The following CD79A variants were observed in gnomAD, a reference collection of about 807,000 sequenced individuals.
The protein encoded by CD79A is B-cell antigen receptor complex-associated protein alpha chain.
In CD79A, 16 loss-of-function variants were observed where a neutral mutation model predicts 27.4. The observed-to-expected ratio is 0.58, with a 90% CI of 0.40 to 0.89. The LOEUF (loss-of-function observed/expected upper bound fraction) is 0.89. Among genes scored for constraint, CD79A ranks in the 40% least tolerant of loss-of-function variants. The pLI is 0.00. For missense variants in CD79A, 237 were observed against 299.7 expected (o/e 0.79, Z 1.55); for synonymous variants, 110 against 132.7 (o/e 0.83, Z 1.18).
chr19:41,880,969 G>T lies in CD79A; in HGVS notation c.670G>T (p.Glu224Ter). ...CCTCAACATAGGAGATGTCCAGCTGGAGAAGCCGTGACACCCCTACTCCTG... is the reference window on the plus strand; with the variant it reads ...CCTCAACATAGGAGATGTCCAGCTGTAGAAGCCGTGACACCCCTACTCCTG... Reference protein sequence around the residue: ...GSLNIGDVQLEKP With the variant: ...GSLNIGDVQL Residue 224 changes from glutamate (E) to a stop codon, truncating the protein, a stop_gained, in exon 5 of 5, where the codon GAG (glutamate) becomes TAG (stop). Transcript: ENST00000221972. LOFTEE classifies it high-confidence loss of function. 1 of 1,566,288 alleles carries T rather than the reference G, an allele frequency of 6.4e-7. No individual in the cohort carries two copies. Among genetic ancestry groups the T allele is most frequent in the Non-Finnish European group, 8.6e-7 (1 of 1,156,278 alleles).
chr19:41,878,974 C>A lies in CD79A; in HGVS notation c.80-16C>A. 1 of 1,521,868 alleles carries A rather than the reference C, an allele frequency of 6.6e-7. No individual in the cohort carries two copies. The highest frequency in any genetic ancestry group is 9.1e-7 in the Non-Finnish European group (1 of 1,102,076). 94.3% of individuals were successfully genotyped at this position (1,521,868 alleles called of 1,614,324 possible). A position where few individuals can be genotyped will look rare whatever the true frequency, so the allele number is the denominator to read the frequency against. ...CCATCCCCAGTCCCTGACCCACCCACCCTGTCTCTCCACAGGCCCTGGGTG... is the reference window on the plus strand; with the variant it reads ...CCATCCCCAGTCCCTGACCCACCCAACCTGTCTCTCCACAGGCCCTGGGTG... On this transcript the variant is annotated splice_polypyrimidine_tract_variant and intron_variant, in intron 1 of 4. Coordinates refer to ENST00000221972, the MANE Select transcript of CD79A (RefSeq NM_001783.4). This position sits in a 1 kb window ranked among gnomAD's most constrained non-coding sequence, Gnocchi z 4.3.
rs1355870615 is a variant in CD79A, at chr19:41,878,819, C to A, written c.80-171C>A. 2.0e-5 allele frequency among the ~76,000 whole-genome samples: 3 copies of A among 152,082 alleles called. No homozygotes were observed. The highest frequency in any genetic ancestry group is 7.2e-5 in the African/African-American group (3 of 41,400). ...TCCCAGGGGCTTCTTCACTTTCCCG[C>A]ATCCCCCCTCTCCCCAGGATGTATC... is the stretch of plus-strand genomic sequence containing the variant. On this transcript the variant is annotated intron_variant, in intron 1 of 4. Coordinates refer to ENST00000221972, the MANE Select transcript of CD79A (RefSeq NM_001783.4). This position sits in a 1 kb window ranked among gnomAD's most constrained non-coding sequence, Gnocchi z 4.3.
chr19:41,880,826 G>C (rs782310133), intron 4 of CD79A, 41 bp from the exon 5 acceptor site: 1 of 1,527,206 alleles, frequency 6.5e-7, no homozygotes, highest in East Asian at 2.3e-5. Flanking sequence ...GGGACCCCAG[G>C]TGTCAGGGTG....
Position 41,877,505 on chromosome 19 carries a change from C to A in CD79A, c.79+122C>A. 2 of 814,830 alleles carry A rather than the reference C, an allele frequency of 2.5e-6. No individual in the cohort carries two copies. Among genetic ancestry groups the A allele is most frequent in the Non-Finnish European group, 2.1e-6 (1 of 480,110 alleles). The allele number at this position is 814,830 out of a possible 1,614,324, so 50.5% of individuals were successfully genotyped here. Reference sequence around the variant, plus strand: ...GAAGAGGAGGCAGAGGATAGGGGACCCAGGGAAGATGCCTATAGAAATCGT... The same window carrying A: ...GAAGAGGAGGCAGAGGATAGGGGACACAGGGAAGATGCCTATAGAAATCGT... On this transcript the variant is annotated intron_variant, in intron 1 of 4. Coordinates refer to ENST00000221972, the MANE Select transcript of CD79A (RefSeq NM_001783.4). This position sits in a 1 kb window ranked among gnomAD's most constrained non-coding sequence, Gnocchi z 4.1.
chr19:41,879,403 C>A lies in CD79A; in HGVS notation c.379+114C>A. 1.6e-6 allele frequency: 2 copies of A among 1,260,410 alleles called. No homozygotes were observed. The highest frequency in any genetic ancestry group is 2.2e-6 in the Non-Finnish European group (2 of 892,764). The allele number at this position is 1,260,410 out of a possible 1,614,324, so 78.1% of individuals were successfully genotyped here. A position where few individuals can be genotyped will look rare whatever the true frequency, so the allele number is the denominator to read the frequency against. The stretch of plus-strand genomic sequence containing the variant: ...AATGTGGGTTTCAAACCGGCTTGGA[C>A]AGAGGGACGGACATTCTCCTCTGCA... On this transcript the variant is annotated intron_variant, in intron 2 of 4. Coordinates refer to ENST00000221972, the MANE Select transcript of CD79A (RefSeq NM_001783.4). This position sits in a 1 kb window ranked among gnomAD's most constrained non-coding sequence, Gnocchi z 5.1.
chr19:41,878,963 TGA>T lies in CD79A; in HGVS notation c.80-26_80-25del. 3.1e-6 allele frequency: 2 copies of T among 644,684 alleles called. No homozygotes were observed. The highest frequency in any genetic ancestry group is 5.8e-6 in the Non-Finnish European group (2 of 344,132). 39.9% of individuals were successfully genotyped at this position (644,684 alleles called of 1,614,324 possible). ...GAAATGTGTCACCATCCCCAGTCCC[TGA>T]CCCACCCACCCTGTCTCTCCACAGG... On this transcript the variant is annotated intron_variant, in intron 1 of 4. Coordinates refer to ENST00000221972, the MANE Select transcript of CD79A (RefSeq NM_001783.4). This position sits in a 1 kb window ranked among gnomAD's most constrained non-coding sequence, Gnocchi z 4.3.
chr19:41,879,582 C>T lies in CD79A; in HGVS notation c.427C>T (p.Arg143Ter). Residue 143 changes from arginine (R) to a stop codon, truncating the protein, a stop_gained, in exon 3 of 5, where the codon CGA (arginine) becomes TGA (stop). Coordinates refer to ENST00000221972, the MANE Select transcript of CD79A (RefSeq NM_001783.4). LOFTEE classifies it high-confidence loss of function. The surrounding 1 kb of genome is among the most constrained non-coding windows in gnomAD (Gnocchi z 5.1). ...GGACATGGGGGAGGGCACCAAGAACCGAATCATCACAGCCGAGGGGATCAT... is the reference window on the plus strand; with the variant it reads ...GGACATGGGGGAGGGCACCAAGAACTGAATCATCACAGCCGAGGGGATCAT... ...FLDMGEGTKN[R>*]IITAEGIILL... is the part of the protein sequence containing the mutation. 3 of 1,611,992 alleles carry T rather than the reference C, an allele frequency of 1.9e-6. No individual in the cohort carries two copies. Among genetic ancestry groups the T allele is most frequent in the East Asian group, 2.2e-5 (1 of 44,822 alleles).
rs782026458 is a variant in CD79A, at chr19:41,879,151, T to C, written c.241T>C (p.Leu81=). ...CAACTACACGTGGCCCCCTGAGTTC[T>C]TGGGCCCGGGCGAGGACCCCAATGG... ...HGNYTWPPEF[L]GPGEDPNGTL... Residue 81 remains leucine (L), a synonymous_variant, in exon 2 of 5, where the codon TTG becomes CTG. Coordinates refer to ENST00000221972, the MANE Select transcript of CD79A (RefSeq NM_001783.4). The surrounding 1 kb of genome is among the most constrained non-coding windows in gnomAD (Gnocchi z 5.1). 1.9e-6 allele frequency: 3 copies of C among 1,613,992 alleles called. No homozygotes were observed. Among genetic ancestry groups the C allele is most frequent in the African/African-American group, 2.7e-5 (2 of 74,914 alleles).
At position 41,878,749 on chromosome 19, in the gene CD79A, C is replaced by T. The variant is rs1224647701; in HGVS notation, c.80-241C>T. 6.6e-6 allele frequency among the ~76,000 whole-genome samples: 1 copy of T among 152,058 alleles called. No homozygotes were observed. Among genetic ancestry groups the T allele is most frequent in the Non-Finnish European group, 1.5e-5 (1 of 67,972 alleles). Reference sequence around the variant, plus strand: ...ATCCCAGGGAGTCTCATTCTCCTCTCCCAGGATATCCTCACCCACCCCAAC... The same window carrying T: ...ATCCCAGGGAGTCTCATTCTCCTCTTCCAGGATATCCTCACCCACCCCAAC... On this transcript the variant is annotated intron_variant, in intron 1 of 4. Coordinates refer to ENST00000221972, the MANE Select transcript of CD79A (RefSeq NM_001783.4). The surrounding 1 kb of genome is among the most constrained non-coding windows in gnomAD (Gnocchi z 4.3).
In CD79A at chr19:41,877,574, C is replaced by A. The variant is rs963663161; in HGVS notation, c.79+191C>A. ...CAAGGTGGGGCTGGAGGGAGCCCAG[C>A]GAAGGAGAAGGGGCGTCCACAGTCT... On this transcript the variant is annotated intron_variant, in intron 1 of 4. Coordinates refer to ENST00000221972, the MANE Select transcript of CD79A (RefSeq NM_001783.4). The surrounding 1 kb of genome is among the most constrained non-coding windows in gnomAD (Gnocchi z 4.1). Among the ~76,000 whole-genome samples, 1 of 152,004 alleles carries A rather than the reference C, an allele frequency of 6.6e-6. No homozygotes were observed. The highest frequency in any genetic ancestry group is 1.5e-5 in the Non-Finnish European group (1 of 67,986).
At position 41,881,372 on chromosome 19, in the gene CD79A, A is replaced by G; in HGVS notation, c.*392A>G. ...GTGATAATAAATTCTTCCCAACTGC[A>G]GACCTTGGCAGGAGTCGTGGATCTT... On this transcript the variant is annotated 3_prime_UTR_variant, in exon 5 of 5. Coordinates refer to ENST00000221972, the MANE Select transcript of CD79A (RefSeq NM_001783.4). 5.2e-6 allele frequency: 2 copies of G among 383,190 alleles called. No individual in the cohort carries two copies. Among genetic ancestry groups the G allele is most frequent in the Admixed American group, 3.9e-5 (1 of 25,826 alleles). The allele number at this position is 383,190 out of a possible 1,614,324, so 23.7% of individuals were successfully genotyped here. A position where few individuals can be genotyped will look rare whatever the true frequency, so the allele number is the denominator to read the frequency against.
At position 41,878,410 on chromosome 19, in the gene CD79A, C is replaced by T. The variant is rs369358982; in HGVS notation, c.80-580C>T. On this transcript the variant is annotated intron_variant, in intron 1 of 4. Transcript: ENST00000221972. This position sits in a 1 kb window ranked among gnomAD's most constrained non-coding sequence, Gnocchi z 4.3. The stretch of plus-strand genomic sequence containing the variant: ...GGCAACCCGCCTGCCCTCCCAGAGC[C>T]TCAGCCATCCCTCCTGTAAAATGGG... Among the ~76,000 whole-genome samples the T allele has an allele frequency of 3.3e-5, 5 of 152,288 alleles. No homozygotes were observed. In the South Asian group the frequency reaches 6.2e-4, roughly 19 times the overall value.
At position 41,879,181 on chromosome 19, in the gene CD79A, C is replaced by G; in HGVS notation, c.271C>G (p.Leu91Val). Residue 91 changes from leucine (L) to valine (V), a missense_variant, in exon 2 of 5, where the codon CTG becomes GTG. Physicochemically the swap from Leu to Val is conservative, Grantham distance 32. Coordinates refer to ENST00000221972, the MANE Select transcript of CD79A (RefSeq NM_001783.4). This position sits in a 1 kb window ranked among gnomAD's most constrained non-coding sequence, Gnocchi z 5.1. ...LGPGEDPNGT[L>V]IIQNVNKSHG... ...CCCGGGCGAGGACCCCAATGGTACGCTGATCATCCAGAATGTGAACAAGAG... is the reference window on the plus strand; with the variant it reads ...CCCGGGCGAGGACCCCAATGGTACGGTGATCATCCAGAATGTGAACAAGAG... 1 of 1,614,000 alleles carries G rather than the reference C, an allele frequency of 6.2e-7. No homozygotes were observed. Among genetic ancestry groups the G allele is most frequent in the Non-Finnish European group, 8.5e-7 (1 of 1,180,022 alleles).
At position 41,879,622 on chromosome 19, in the gene CD79A, C is replaced by CTGTCCCA; in HGVS notation, c.467_468insTGTCCCA (p.Val158ProfsTer26). ...GAGGGGATCATCCTCCTGTTCTGCG[C>CTGTCCCA]GGTGGTGCCTGGGACGCTGCTGCTG... On this transcript the variant is annotated frameshift_variant, in exon 3 of 5. Coordinates refer to ENST00000221972, the MANE Select transcript of CD79A (RefSeq NM_001783.4). LOFTEE classifies it high-confidence loss of function. This position sits in a 1 kb window ranked among gnomAD's most constrained non-coding sequence, Gnocchi z 5.1. The CTGTCCCA allele has an allele frequency of 1.2e-6, 2 of 1,611,218 alleles. No homozygotes were observed. Among genetic ancestry groups the CTGTCCCA allele is most frequent in the Non-Finnish European group, 1.7e-6 (2 of 1,178,402 alleles).
At chr19:41,880,245 G>A (rs1422138162) in intron 3 of CD79A, among the ~76,000 whole-genome samples, 1 of 151,986 alleles carries the variant, frequency 6.6e-6, no homozygotes, top group African/African-American at 2.4e-5. Context: ...GCCAGGCATG[G>A]TGGCACACAC....
In CD79A at chr19:41,881,104, G is replaced by A. The variant is rs1433770768; in HGVS notation, c.*124G>A. On this transcript the variant is annotated 3_prime_UTR_variant, in exon 5 of 5. Transcript: ENST00000221972. ...GCTTCCTTAGTCATATTCCCCCAGT[G>A]GGGGGTGGGAGGGTAACCTCACTCT... 8 of 733,396 alleles carry A rather than the reference G, an allele frequency of 1.1e-5. No individual in the cohort carries two copies. Among genetic ancestry groups the A allele is most frequent in the East Asian group, 2.7e-5 (1 of 37,328 alleles). The allele number at this position is 733,396 out of a possible 1,614,324, so 45.4% of individuals were successfully genotyped here. A position where few individuals can be genotyped will look rare whatever the true frequency, so the allele number is the denominator to read the frequency against.
At position 41,877,457 on chromosome 19, in the gene CD79A, G is replaced by A. The variant is rs2074195479; in HGVS notation, c.79+74G>A. The A allele has an allele frequency of 8.2e-7, 1 of 1,221,174 alleles. No homozygotes were observed. Among genetic ancestry groups the A allele is most frequent in the African/African-American group, 1.5e-5 (1 of 67,386 alleles). The allele number at this position is 1,221,174 out of a possible 1,614,324, so 75.6% of individuals were successfully genotyped here. A position where few individuals can be genotyped will look rare whatever the true frequency, so the allele number is the denominator to read the frequency against. ...AGGCTGCAGAGAGGGCACAGGCAGA[G>A]GGAAGGGGGCTCAGGGAAAGGGGAA... is the stretch of plus-strand genomic sequence containing the variant. On this transcript the variant is annotated intron_variant, in intron 1 of 4. Transcript: ENST00000221972. This position sits in a 1 kb window ranked among gnomAD's most constrained non-coding sequence, Gnocchi z 4.1.
chr19:41,880,646 C>CGGGCG, intron 3 of CD79A, 24 bp from the exon 4 acceptor site: 1 of 1,069,104 alleles, frequency 9.4e-7, no homozygotes, highest in Non-Finnish European at 1.4e-6. Context: ...CTCACTGAGG[C>CGGGCG]ACCCACCCCA....
chr19:41,879,180 G>C lies in CD79A; in HGVS notation c.270G>C (p.Thr90=). ...GCCCGGGCGAGGACCCCAATGGTAC[G>C]CTGATCATCCAGAATGTGAACAAGA... ...FLGPGEDPNG[T]LIIQNVNKSH... is the part of the protein sequence containing the mutation. The change falls in exon 2 of 5, where the codon ACG becomes ACC. Residue 90 remains threonine (T), a synonymous_variant. Transcript: ENST00000221972. The surrounding 1 kb of genome is among the most constrained non-coding windows in gnomAD (Gnocchi z 5.1). 1 of 1,614,008 alleles carries C rather than the reference G, an allele frequency of 6.2e-7. No homozygotes were observed. The highest frequency in any genetic ancestry group is 8.5e-7 in the Non-Finnish European group (1 of 1,180,008).
Sources: gnomAD v4.1 joint callset for allele counts (sites outside exome capture counted in the v4.1 genomes callset) on GRCh38, gnomAD v4.1.1 for gene constraint, Gnocchi (gnomAD v3.1) non-coding constraint, MANE v1.5 for transcripts, NCBI Gene and HGNC (gene_info 2026-07-23, HGNC 2026-07-21) for gene names.